LUZP2: variants seen among roughly 807,000 people sequenced by gnomAD.
LUZP2 encodes the protein leucine zipper protein 2.
LUZP2 carries 52 observed loss-of-function variants against 51.6 expected under a neutral mutation model. That is an observed-to-expected ratio of 1.01 (90% CI 0.81 to 1.27). The LOEUF (loss-of-function observed/expected upper bound fraction) is 1.27, where lower values mean the gene tolerates loss of function less well. Among genes scored for constraint, LUZP2 ranks in the 50% most tolerant of loss-of-function variants. The probability of loss-of-function intolerance (pLI) is 0.00; values close to 1 mark genes in which losing one functional copy is unlikely to be tolerated. For missense variants in LUZP2, 436 were observed against 395.4 expected (o/e 1.10, Z -0.87); for synonymous variants, 154 against 137.3 (o/e 1.12, Z -0.85).
chr11:24,788,149 T>G (rs986832637), intron 5 of LUZP2, among the ~76,000 whole-genome samples: 1 of 151,806 alleles, frequency 6.6e-6, no homozygotes. Context: ...ATTCTTTCAC[T>G]GTAACAGATG....
chr11:25,021,157 A>G (rs1857321175), intron 9 of LUZP2, among the ~76,000 whole-genome samples: 1 of 152,072 alleles, frequency 6.6e-6, no homozygotes, highest in Non-Finnish European at 1.5e-5. Flanking sequence ...ATATAACTAA[A>G]CCAATAAAAA....
intron 5 of LUZP2, among the ~76,000 whole-genome samples, chr11:24,824,176 C>T (rs1000927980): frequency 6.6e-6 from 1 of 151,250 alleles, no homozygotes; most frequent in Non-Finnish European, 1.5e-5. Context: ...CCAGCCTGAC[C>T]AACATGGAGA....
chr11:24,616,476 T>C (rs202140144), intron 1 of LUZP2, among the ~76,000 whole-genome samples: 23 of 28,160 alleles, frequency 8.2e-4, no homozygotes, highest in South Asian at 7.9e-3. Flanking sequence ...GGCGTGCGCA[T>C]GTGTGTGTGT....
At chr11:24,654,982 G>A (rs1000891449) in intron 1 of LUZP2, among the ~76,000 whole-genome samples, 6 of 151,944 alleles carry the variant, frequency 3.9e-5, no homozygotes, top group Non-Finnish European at 8.8e-5. Context: ...AACATAAAAT[G>A]AGCCAAAAAA....
chr11:24,528,783 A>G (rs940423305), intron 1 of LUZP2, among the ~76,000 whole-genome samples: 14 of 151,200 alleles, frequency 9.3e-5, no homozygotes, highest in African/African-American at 3.1e-4. Flanking sequence ...CTGACAAACT[A>G]TCTTACAAGG....
At chr11:24,895,016 A>G (rs564472103) in intron 5 of LUZP2, among the ~76,000 whole-genome samples, 13 of 152,338 alleles carry the variant, frequency 8.5e-5, no homozygotes, top group African/African-American at 3.1e-4. Flanking sequence ...ACTTGGTTAC[A>G]GCAAATTTTT....
intron 9 of LUZP2, among the ~76,000 whole-genome samples, chr11:24,986,304 A>T (rs753217062): frequency 4.0e-5 from 6 of 151,700 alleles, no homozygotes; most frequent in Non-Finnish European, 8.9e-5. Flanking sequence ...GCAATGTGGT[A>T]AATACCAAAG....
chr11:24,893,548 A>C (rs60133666), intron 5 of LUZP2, among the ~76,000 whole-genome samples: 28 of 152,298 alleles, frequency 1.8e-4, no homozygotes, highest in African/African-American at 6.7e-4. Context: ...AAGACTACAC[A>C]TAATATATCA....
chr11:24,795,332 T>C (rs1849518449), intron 5 of LUZP2, among the ~76,000 whole-genome samples: 1 of 152,138 alleles, frequency 6.6e-6, no homozygotes, highest in Admixed American at 6.6e-5. Context: ...AGCATTGCAA[T>C]ATTTATCTTT....
intron 1 of LUZP2, among the ~76,000 whole-genome samples, chr11:24,673,780 T>G (rs1440694455): frequency 1.3e-5 from 2 of 152,208 alleles, no homozygotes; most frequent in Non-Finnish European, 2.9e-5. Flanking sequence ...TGCCCACAGT[T>G]GAGGGCAAGG....
chr11:24,869,835 G>T (rs1852003862), intron 5 of LUZP2, among the ~76,000 whole-genome samples: 1 of 152,088 alleles, frequency 6.6e-6, no homozygotes, highest in African/African-American at 2.4e-5. Context: ...ATGAAAGAAA[G>T]AGTCGCAAGT....
At chr11:24,531,214 T>C (rs1430503449) in intron 1 of LUZP2, among the ~76,000 whole-genome samples, 4 of 150,544 alleles carry the variant, frequency 2.7e-5, no homozygotes, top group Admixed American at 6.7e-5. Flanking sequence ...GACTAAACAA[T>C]GTATATTCTG....
rs550730091 is a variant in LUZP2, at chr11:24,799,379, C to T, written c.396+36071C>T. ...TTGAGAGGCCAATGTGGGGGGATCA[C>T]GAGGTCAGGAGTTCAAGACCAGCCT... is the stretch of plus-strand genomic sequence containing the variant. On this transcript the variant is annotated intron_variant, in intron 5 of 11. Coordinates refer to ENST00000336930, the MANE Select transcript of LUZP2 (RefSeq NM_001009909.4). Among the ~76,000 whole-genome samples, 67 of 152,032 alleles carry T rather than the reference C, an allele frequency of 4.4e-4. 1 individual carries two copies. The South Asian group carries it at 0.014, about 31-fold the overall frequency.
chr11:24,924,708 T>A (rs925387326), intron 7 of LUZP2, among the ~76,000 whole-genome samples: 4 of 152,194 alleles, frequency 2.6e-5, no homozygotes, highest in African/African-American at 9.7e-5. Context: ...TAGGGAGATA[T>A]AATACATACA....
At chr11:24,605,227 G>A (rs1853876140) in intron 1 of LUZP2, among the ~76,000 whole-genome samples, 1 of 151,742 alleles carries the variant, frequency 6.6e-6, no homozygotes, top group African/African-American at 2.4e-5. Context: ...AGAGATTTCT[G>A]ATGTAGATAT....
chr11:24,566,971 A>G (rs1390073750), intron 1 of LUZP2, among the ~76,000 whole-genome samples: 15 of 89,798 alleles, frequency 1.7e-4, no homozygotes, highest in African/African-American at 5.5e-4. Context: ...ATATATAAAT[A>G]TGTATATATA....
intron 1 of LUZP2, among the ~76,000 whole-genome samples, chr11:24,728,251 A>G (rs1447301294): frequency 6.6e-6 from 1 of 152,008 alleles, no homozygotes; most frequent in African/African-American, 2.4e-5. Context: ...GAAACCTGGC[A>G]TCATTAGTAA....
intron 9 of LUZP2, among the ~76,000 whole-genome samples, chr11:24,998,946 G>A (rs1856592756): frequency 6.6e-6 from 1 of 151,966 alleles, no homozygotes; most frequent in Non-Finnish European, 1.5e-5. Context: ...CTGTTTTTGT[G>A]TGAAATTTGC....
Position 24,741,902 on chromosome 11 carries a change from T to A in LUZP2, c.333+3600T>A. On this transcript the variant is annotated intron_variant, in intron 4 of 11. Transcript: ENST00000336930. ...AAATATATATTTATATACATATATA[T>A]TTCTATATAATATATACATTTATAT... Among the ~76,000 whole-genome samples, 4 of 135,824 alleles carry A rather than the reference T, an allele frequency of 2.9e-5. No individual in the cohort carries two copies. In the South Asian group the frequency reaches 6.5e-4, roughly 22 times the overall value. The allele number at this position is 135,824 out of a possible 152,430, so 89.1% of individuals were successfully genotyped here.
Sources: allele counts gnomAD v4.1 joint callset (sites outside exome capture counted in the v4.1 genomes callset), GRCh38; gene constraint gnomAD v4.1.1; transcripts MANE v1.5; gene names NCBI Gene and HGNC (gene_info 2026-07-23, HGNC 2026-07-21).